The following IPO5 variants were observed in gnomAD, a reference collection of about 807,000 sequenced individuals.
IPO5 encodes importin-5.
In IPO5, 18 loss-of-function variants were observed where a neutral mutation model predicts 143.3. That is an observed-to-expected ratio of 0.13 (90% CI 0.09 to 0.19). The LOEUF (loss-of-function observed/expected upper bound fraction) is 0.19. Among genes scored for constraint, IPO5 ranks in the 10% least tolerant of loss-of-function variants. IPO5 has a pLI of 1.00. For synonymous variants in IPO5, 477 were observed against 465.7 expected (o/e 1.02, Z -0.31); for missense variants, 1,013 against 1,336.9 (o/e 0.76, Z 3.78).
At chr13:97,992,094 C>CA (rs1278163246) in intron 9 of IPO5, among the ~76,000 whole-genome samples, 1 of 152,186 alleles carries the variant, frequency 6.6e-6, no homozygotes, top group Non-Finnish European at 1.5e-5. Flanking sequence ...CCTGCTATCA[C>CA]AATGAAAAGA....
rs767614363 is a variant in IPO5 at position 97,985,630 on chromosome 13, A to G, written c.364+17A>G. On this transcript the variant is annotated intron_variant, in intron 6 of 28. Transcript: ENST00000651721. ...ATTTAATAGGTGTGTATGCAGGTGCACTCATGTTACCAAGAACATGGGTAT... is the reference window on the plus strand; with the variant it reads ...ATTTAATAGGTGTGTATGCAGGTGCGCTCATGTTACCAAGAACATGGGTAT... 9.5e-6 allele frequency: 15 copies of G among 1,584,938 alleles called. No homozygotes were observed. The highest frequency in any genetic ancestry group is 5.0e-5 in the Admixed American group (3 of 59,824).
chr13:98,008,236 T>C, intron 18 of IPO5, 94 bp downstream of exon 18: 2 of 721,364 alleles, frequency 2.8e-6, no homozygotes, highest in Non-Finnish European at 2.4e-6. Context: ...GATAGGTTTC[T>C]TGACATACTA....
At chr13:97,972,135 A>T (rs1020711734) in intron 3 of IPO5, among the ~76,000 whole-genome samples, 1 of 152,226 alleles carries the variant, frequency 6.6e-6, no homozygotes, top group Admixed American at 6.5e-5. Context: ...AGCGCTTACA[A>T]CTACCAAGAT....
intron 5 of IPO5, among the ~76,000 whole-genome samples, chr13:97,983,911 TTTCTG>T (rs1186628748): frequency 1.3e-5 from 2 of 151,638 alleles, no homozygotes; most frequent in African/African-American, 2.4e-5. Context: ...AACCTGTTCT[TTTCTG>T]TAACTCAAAA....
At chr13:97,997,498 A>C (rs1324776817) in intron 11 of IPO5, 33 bp from the exon 12 acceptor site, 1 of 1,217,650 alleles carries the variant, frequency 8.2e-7, no homozygotes, top group Non-Finnish European at 1.2e-6. Context: ...ATAAAGTCAC[A>C]GTCTTCGGGT....
At chr13:98,005,573 T>TA (rs1889170128) in intron 16 of IPO5, among the ~76,000 whole-genome samples, 1 of 151,942 alleles carries the variant, frequency 6.6e-6, no homozygotes. Context: ...AAGCATTTGT[T>TA]ACTAGCTGGG....
intron 2 of IPO5, among the ~76,000 whole-genome samples, chr13:97,969,175 A>ATATATTTTTTTTTTT (rs1234384302): frequency 4.6e-5 from 2 of 43,906 alleles, no homozygotes; most frequent in African/African-American, 1.1e-4. Context: ...ATATATATAT[A>ATATATTTTTTTTTTT]TTTTTTTTTT....
intron 20 of IPO5, among the ~76,000 whole-genome samples, chr13:98,011,073 A>G (rs1889672296): frequency 6.6e-6 from 1 of 151,954 alleles, no homozygotes; most frequent in African/African-American, 2.4e-5. Flanking sequence ...CCTGGCCAAT[A>G]CTTACTTTTA....
intron 4 of IPO5, among the ~76,000 whole-genome samples, chr13:97,980,484 G>T (rs1886748251): frequency 6.6e-6 from 1 of 152,198 alleles, no homozygotes; most frequent in Admixed American, 6.6e-5. Context: ...GCCTGGGCAA[G>T]AGTAGGGAGC....
intron 11 of IPO5, among the ~76,000 whole-genome samples, chr13:97,997,039 T>C (rs1276556823): frequency 6.6e-6 from 1 of 152,196 alleles, no homozygotes; most frequent in African/African-American, 2.4e-5. Flanking sequence ...GTTTATCAGC[T>C]AGACAGTGGG....
chr13:97,975,239 G>A (rs1886170124), intron 3 of IPO5, among the ~76,000 whole-genome samples: 1 of 135,460 alleles, frequency 7.4e-6, no homozygotes, highest in Non-Finnish European at 1.6e-5. Context: ...GGGAGGCCGA[G>A]GCGGGGGGAG....
intron 11 of IPO5, 23 bp downstream of exon 11, chr13:97,993,248 G>A: frequency 6.2e-7 from 1 of 1,606,760 alleles, no homozygotes; most frequent in Non-Finnish European, 8.5e-7. Context: ...TCTTCAGATA[G>A]TTTATGTGTA....
In IPO5 at chr13:98,021,732, C is replaced by G. The variant is rs758586648; in HGVS notation, c.3208-4C>G. On this transcript the variant is annotated splice_region_variant and splice_polypyrimidine_tract_variant and intron_variant, in intron 28 of 28. Transcript: ENST00000651721. ...TAAGTCTGTGAAAATGTTTCTTTCC[C>G]TAGACTTCTGGAGGACTGTGGACTG... 1 of 1,518,972 alleles carries G rather than the reference C, an allele frequency of 6.6e-7. No individual in the cohort carries two copies. The highest frequency in any genetic ancestry group is 1.4e-5 in the African/African-American group (1 of 72,932). The allele number at this position is 1,518,972 out of a possible 1,614,324, so 94.1% of individuals were successfully genotyped here.
rs758101000 is a variant in IPO5 at position 98,006,217 on chromosome 13, C to G, written c.1585C>G (p.Pro529Ala). 3 of 1,613,544 alleles carry G rather than the reference C, an allele frequency of 1.9e-6. No homozygotes were observed. The highest frequency in any genetic ancestry group is 2.7e-5 in the African/African-American group (2 of 74,978). The change falls in exon 17 of 29, where the codon CCC (proline) becomes GCC (alanine). Residue 529 changes from proline to alanine, a missense_variant. Coordinates refer to ENST00000651721, the MANE Select transcript of IPO5 (RefSeq NM_002271.6). ...VADTAEEKFVPYYDLFMPSLK... is the reference protein window; with the variant it reads ...VADTAEEKFVAYYDLFMPSLK... ...CGATACTGCAGAAGAAAAATTTGTC[C>G]CCTACTATGATTTATTTATGCCATC...
rs1213545092 is a variant in IPO5, at chr13:98,023,379, A to G, written c.*1557A>G. ...GGGAATTGGAGTAAAAAGTGTGTCA[A>G]GACAACCCCTTTCTGCTTTCTTATG... is the stretch of plus-strand genomic sequence containing the variant. On this transcript the variant is annotated 3_prime_UTR_variant, in exon 29 of 29. Transcript: ENST00000651721. The G allele has an allele frequency of 2.0e-5, 3 of 152,186 alleles. No homozygotes were observed. Among genetic ancestry groups the G allele is most frequent in the Non-Finnish European group, 2.9e-5 (2 of 68,040 alleles). The allele number at this position is 152,186 out of a possible 1,614,324, so 9.4% of individuals were successfully genotyped here.
intron 7 of IPO5, 23 bp from the exon 8 acceptor site, chr13:97,990,103 A>G: frequency 4.3e-6 from 6 of 1,385,746 alleles, no homozygotes; most frequent in Non-Finnish European, 6.1e-6. Context: ...TAGTTTTTAA[A>G]GAATGTTTGG....
intron 5 of IPO5, among the ~76,000 whole-genome samples, chr13:97,983,964 T>TA (rs1887092308): frequency 8.3e-6 from 1 of 120,064 alleles, no homozygotes; most frequent in African/African-American, 3.4e-5. Flanking sequence ...TAGGGTAACT[T>TA]CTTTTTTTTT....
At chr13:97,980,613 A>G (rs1229397345) in intron 4 of IPO5, among the ~76,000 whole-genome samples, 2 of 151,608 alleles carry the variant, frequency 1.3e-5, no homozygotes, top group South Asian at 2.1e-4. Context: ...GTGGATCACG[A>G]GGTCGGGAGT....
chr13:97,992,966 A>G lies in IPO5; in HGVS notation c.744A>G (p.Pro248=), dbSNP rs779276455. Residue 248 remains proline (P), a synonymous_variant, in exon 10 of 29, where the codon CCA becomes CCG. Transcript: ENST00000651721. ...TCGTTGAGATTGCAGATACTGTTCC[A>G]AAGTATTTGCGTCCTCACTTGGAAG... ...KSLVEIADTV[P]KYLRPHLEAT... 1 of 1,613,994 alleles carries G rather than the reference A, an allele frequency of 6.2e-7. No individual in the cohort carries two copies. The highest frequency in any genetic ancestry group is 1.1e-5 in the South Asian group (1 of 91,064).
Sources: gnomAD v4.1 joint callset for allele counts (sites outside exome capture counted in the v4.1 genomes callset) on GRCh38, gnomAD v4.1.1 for gene constraint, MANE v1.5 for transcripts, NCBI Gene and HGNC (gene_info 2026-07-23, HGNC 2026-07-21) for gene names.